The following TARM1 variants were observed in gnomAD, a reference collection of about 807,000 sequenced individuals.
TARM1 encodes T-cell-interacting, activating receptor on myeloid cells protein 1.
Under a neutral mutation model 30.4 loss-of-function variants are expected in TARM1, and 24 were observed. The observed-to-expected ratio is 0.79, with a 90% CI of 0.57 to 1.11. TARM1 has a LOEUF of 1.11. Ranked by LOEUF, TARM1 falls within the 50% of genes least tolerant of loss-of-function variation. The probability of loss-of-function intolerance (pLI) is 0.00; values close to 1 mark genes in which losing one functional copy is unlikely to be tolerated. For synonymous variants in TARM1, 129 were observed against 138.9 expected, an observed-to-expected ratio of 0.93 and a Z score of 0.50; for missense variants, 323 against 332.8, an observed-to-expected ratio of 0.97 and a Z score of 0.23.
Position 54,074,009 on chromosome 19 carries a change from T to A in TARM1, c.569A>T (p.Asp190Val). Residue 190 changes from aspartate (D) to valine (V), a missense_variant, in exon 4 of 5, where the codon GAT (aspartate) becomes GTT (valine). By Grantham distance (152) the Asp-to-Val change is radical (BLOSUM62 -3). Transcript: ENST00000432826. ...DFSLVDVTAG[D>V]AGNYSCMYYQ... ...GTACATGCAGCTGTAGTTCCCAGCA[T>A]CGCCGGCTGTCACGTCCACCAGAGA... 1 of 1,551,666 alleles carries A rather than the reference T, an allele frequency of 6.4e-7. No individual in the cohort carries two copies. Among genetic ancestry groups the A allele is most frequent in the Non-Finnish European group, 8.7e-7 (1 of 1,146,986 alleles).
At chr19:54,071,823 T>C (rs1178767804) in intron 4 of TARM1, among the ~76,000 whole-genome samples, 1 of 151,344 alleles carries the variant, frequency 6.6e-6, no homozygotes, top group East Asian at 1.9e-4. Flanking sequence ...AGAGTGAGAC[T>C]CCATCTCAAA....
chr19:54,077,739 GT>G (rs1185350896), intron 1 of TARM1, among the ~76,000 whole-genome samples: 287 of 117,606 alleles, frequency 2.4e-3, no homozygotes, highest in Middle Eastern at 4.7e-3. Flanking sequence ...CTTTTTCTTC[GT>G]TTTTTTTTTT....
intron 4 of TARM1, 102 bp from the exon 5 acceptor site, chr19:54,070,262 T>C: frequency 1.4e-6 from 2 of 1,450,428 alleles, no homozygotes; most frequent in South Asian, 2.9e-5. Context: ...ATGTTTTCGG[T>C]TTTTTGGTTT....
chr19:54,076,286 T>C (rs775174154), intron 1 of TARM1: 2 of 1,336,164 alleles, frequency 1.5e-6, no homozygotes, highest in East Asian at 2.6e-5. Context: ...TCATTCTTTC[T>C]TTCATTCATT....
chr19:54,069,991 TTCAAG>T lies in TARM1; in HGVS notation c.*7_*11del, dbSNP rs1403704923. Reference sequence around the variant, plus strand: ...GCAGCCTCAGTTTACCCAGCCCCGGTTCAAGATGGAGTCACTCTGGTTTGAAGGCC... The same window carrying T: ...GCAGCCTCAGTTTACCCAGCCCCGGTATGGAGTCACTCTGGTTTGAAGGCC... On this transcript the variant is annotated 3_prime_UTR_variant, in exon 5 of 5. Transcript: ENST00000432826. The T allele has an allele frequency of 1.3e-6, 2 of 1,548,434 alleles. No individual in the cohort carries two copies. Among genetic ancestry groups the T allele is most frequent in the African/African-American group, 2.7e-5 (2 of 72,948 alleles).
chr19:54,071,254 G>A (rs1349950122), intron 4 of TARM1, among the ~76,000 whole-genome samples: 2 of 151,856 alleles, frequency 1.3e-5, no homozygotes, highest in African/African-American at 2.4e-5. Flanking sequence ...CACCGCGCCC[G>A]GCCAAGATAT....
rs1360351100 is a variant in TARM1 at position 54,079,264 on chromosome 19, C to CG, written c.34+2042dup. Among the ~76,000 whole-genome samples the CG allele has an allele frequency of 1.2e-3, 54 of 44,360 alleles. 1 individual carries two copies. The highest frequency in any genetic ancestry group is 6.0e-3 in the Admixed American group (25 of 4,196). 29.1% of individuals were successfully genotyped at this position (44,360 alleles called of 152,430 possible). A position where few individuals can be genotyped will look rare whatever the true frequency, so the allele number is the denominator to read the frequency against. ...GGGTGACGAAGCAAGACTCCATCTC[C>CG]GAAAAAAAAAAAAAAAAAAGAAATT... On this transcript the variant is annotated intron_variant, in intron 1 of 4. Coordinates refer to ENST00000432826, the MANE Select transcript of TARM1 (RefSeq NM_001135686.3).
chr19:54,070,269 GT>G lies in TARM1; in HGVS notation c.659-110del, dbSNP rs1298622508. The G allele has an allele frequency of 3.3e-3, 3,929 of 1,180,772 alleles. 1 individual carries two copies. Among genetic ancestry groups the G allele is most frequent in the South Asian group, 5.2e-3 (266 of 51,610 alleles). The allele number at this position is 1,180,772 out of a possible 1,614,324, so 73.1% of individuals were successfully genotyped here. A position where few individuals can be genotyped will look rare whatever the true frequency, so the allele number is the denominator to read the frequency against. On this transcript the variant is annotated intron_variant, in intron 4 of 4. Coordinates refer to ENST00000432826, the MANE Select transcript of TARM1 (RefSeq NM_001135686.3). Reference sequence around the variant, plus strand: ...CCCACTTAATGTTTTCGGTTTTTTGGTTTTTTTTTTTGAGACGGAGTTTTAC... The same window carrying G: ...CCCACTTAATGTTTTCGGTTTTTTGGTTTTTTTTTTGAGACGGAGTTTTAC...
rs2071945892 is a variant in TARM1 at position 54,076,207 on chromosome 19, C to T, written c.35-289G>A. ...TCTCATCTTCTGTTTGAAAACAGCACTCATTCTTACCATTTCTTTCTTTCT... is the reference window on the plus strand; with the variant it reads ...TCTCATCTTCTGTTTGAAAACAGCATTCATTCTTACCATTTCTTTCTTTCT... On this transcript the variant is annotated intron_variant, in intron 1 of 4. Coordinates refer to ENST00000432826, the MANE Select transcript of TARM1 (RefSeq NM_001135686.3). 3 of 1,514,370 alleles carry T rather than the reference C, an allele frequency of 2.0e-6. No individual in the cohort carries two copies. In the Middle Eastern group the frequency reaches 5.1e-4, roughly 258 times the overall value. The allele number at this position is 1,514,370 out of a possible 1,614,324, so 93.8% of individuals were successfully genotyped here.
intron 2 of TARM1, 23 bp from the exon 3 acceptor site, chr19:54,075,137 G>A: frequency 1.3e-6 from 2 of 1,544,534 alleles, no homozygotes; most frequent in Non-Finnish European, 1.8e-6. Context: ...AGAGCCTGAT[G>A]CTGGACCCGA....
rs2072125358 is a variant in TARM1 at position 54,081,327 on chromosome 19, A to G, written c.14T>C (p.Leu5Pro). 1 of 1,545,134 alleles carries G rather than the reference A, an allele frequency of 6.5e-7. No individual in the cohort carries two copies. Among genetic ancestry groups the G allele is most frequent in the Middle Eastern group, 1.7e-4 (1 of 5,970 alleles). MIPK[L>P]LSLLCFRLCV... ...CTTACTGAAACAGAGGAGGGAAAGCAGCTTAGGGATCATGATGGCTCCTTA... is the reference window on the plus strand; with the variant it reads ...CTTACTGAAACAGAGGAGGGAAAGCGGCTTAGGGATCATGATGGCTCCTTA... The change falls in exon 1 of 5, where the codon CTG (leucine) becomes CCG (proline). Residue 5 changes from leucine to proline, a missense_variant. Transcript: ENST00000432826.
At chr19:54,074,246 G>A in intron 3 of TARM1, 30 bp from the exon 4 acceptor site, 2 of 1,538,964 alleles carry the variant, frequency 1.3e-6, no homozygotes, top group African/African-American at 1.4e-5. Context: ...CTGAGGTCCT[G>A]GGGAGAAGTC....
rs1024475091 is a variant in TARM1, at chr19:54,069,949, A to G, written c.*54T>C. On this transcript the variant is annotated 3_prime_UTR_variant, in exon 5 of 5. Transcript: ENST00000432826. ...CTTAGAAAGCCTCAACCCCCTGGGA[A>G]TGCAGTCCAGCAGGTTGCAGCCTCA... is the stretch of plus-strand genomic sequence containing the variant. 3.6e-6 allele frequency: 5 copies of G among 1,385,006 alleles called. No individual in the cohort carries two copies. Among genetic ancestry groups the G allele is most frequent in the South Asian group, 1.3e-5 (1 of 78,002 alleles). 85.8% of individuals were successfully genotyped at this position (1,385,006 alleles called of 1,614,324 possible). A position where few individuals can be genotyped will look rare whatever the true frequency, so the allele number is the denominator to read the frequency against.
At chr19:54,077,671 C>T (rs1393722109) in intron 1 of TARM1, among the ~76,000 whole-genome samples, 1 of 151,298 alleles carries the variant, frequency 6.6e-6, no homozygotes, top group East Asian at 1.9e-4. Flanking sequence ...CGTAAGTGTC[C>T]ATCCATGGAA....
At position 54,075,106 on chromosome 19, in the gene TARM1, G is replaced by T; in HGVS notation, c.79C>A (p.Pro27Thr). ...QGDTRGDGSL[P>T]KPSLSAWPSS... ...GGCCAGGCACTGAGGGACGGCTTGGGCAGTGACCCTGGAAGGAAGCAGAGC... is the reference window on the plus strand; with the variant it reads ...GGCCAGGCACTGAGGGACGGCTTGGTCAGTGACCCTGGAAGGAAGCAGAGC... The change falls in exon 3 of 5, where the codon CCC becomes ACC. Residue 27 changes from proline (P) to threonine (T), a missense_variant. Coordinates refer to ENST00000432826, the MANE Select transcript of TARM1 (RefSeq NM_001135686.3). 1.9e-6 allele frequency: 3 copies of T among 1,551,080 alleles called. No homozygotes were observed. In the South Asian group the frequency reaches 3.6e-5, roughly 18 times the overall value.
At chr19:54,075,669 C>T (rs372926695) in intron 2 of TARM1, among the ~76,000 whole-genome samples, 3 of 151,396 alleles carry the variant, frequency 2.0e-5, no homozygotes, top group South Asian at 2.1e-4. Flanking sequence ...GGCAAGCACC[C>T]GTAGTCCCAG....
At chr19:54,080,675 G>C (rs1017455167) in intron 1 of TARM1, among the ~76,000 whole-genome samples, 2 of 151,756 alleles carry the variant, frequency 1.3e-5, no homozygotes, top group African/African-American at 4.8e-5. Flanking sequence ...TTTTATTTAT[G>C]GTATTAAGGT....
Position 54,075,884 on chromosome 19 carries a change from A to T in TARM1, c.69T>A (p.Asp23Glu). Residue 23 changes from aspartate (D) to glutamate (E), a missense_variant and splice_region_variant, in exon 2 of 5, where the codon GAT (aspartate) becomes GAA (glutamate). By Grantham distance (45) the Asp-to-Glu change is conservative. Coordinates refer to ENST00000432826, the MANE Select transcript of TARM1 (RefSeq NM_001135686.3). ...LCVGQGDTRG[D>E]GSLPKPSLSA... ...GGGTGTAGTTGAAGAAACACTCACCATCTCCCCTTGTGTCTCCTTGGCCCA... is the reference window on the plus strand; with the variant it reads ...GGGTGTAGTTGAAGAAACACTCACCTTCTCCCCTTGTGTCTCCTTGGCCCA... 2 of 1,551,406 alleles carry T rather than the reference A, an allele frequency of 1.3e-6. No individual in the cohort carries two copies. The highest frequency in any genetic ancestry group is 2.4e-5 in the South Asian group (2 of 84,050).
intron 1 of TARM1, among the ~76,000 whole-genome samples, chr19:54,080,819 A>C (rs1340091934): frequency 6.6e-6 from 1 of 151,824 alleles, no homozygotes; most frequent in Non-Finnish European, 1.5e-5. Context: ...CTAAAAATAC[A>C]AAAATTAACC....
Sources: gnomAD v4.1 joint callset for allele counts (sites outside exome capture counted in the v4.1 genomes callset) on GRCh38, gnomAD v4.1.1 for gene constraint, MANE v1.5 for transcripts, NCBI Gene and HGNC (gene_info 2026-07-23, HGNC 2026-07-21) for gene names.